Variants in SBF2 observed in about 807,000 individuals in gnomAD.
The protein encoded by SBF2 is SET binding factor 2.
In SBF2, 112 loss-of-function variants were observed where a neutral mutation model predicts 225.2. The observed-to-expected ratio is 0.50, with a 90% CI of 0.43 to 0.58. The LOEUF (loss-of-function observed/expected upper bound fraction) is 0.58. Among genes scored for constraint, SBF2 ranks in the 20% least tolerant of loss-of-function variants. SBF2 has a pLI of 0.00. For missense variants in SBF2, 1,996 were observed against 2,206.2 expected, an observed-to-expected ratio of 0.90 and a Z score of 1.91; for synonymous variants, 763 against 773.3, an observed-to-expected ratio of 0.99 and a Z score of 0.22.
rs1179379768 is a variant in SBF2 at position 10,195,797 on chromosome 11, A to C, written c.56-1810T>G. Among the ~76,000 whole-genome samples the C allele has an allele frequency of 2.0e-5, 3 of 152,242 alleles. No homozygotes were observed. In the East Asian group the frequency reaches 5.8e-4, roughly 29 times the overall value. On this transcript the variant is annotated intron_variant, in intron 1 of 39. Transcript: ENST00000256190. ...ACAAAATAAAAATATTCTCAATTAA[A>C]ATGAATAATTGCTGCAGTACAGTAA...
At chr11:10,093,761 T>C (rs1243843483) in intron 2 of SBF2, among the ~76,000 whole-genome samples, 2 of 152,226 alleles carry the variant, frequency 1.3e-5, no homozygotes, top group African/African-American at 2.4e-5. Flanking sequence ...TGAAATACCT[T>C]TGTGTACAGT....
intron 2 of SBF2, among the ~76,000 whole-genome samples, chr11:10,056,791 G>A (rs1411733158): frequency 6.6e-6 from 1 of 152,178 alleles, no homozygotes; most frequent in African/African-American, 2.4e-5. Context: ...GTGCTCCAGA[G>A]GGAGGGGCTG....
chr11:10,223,443 A>ATATG (rs57185157), intron 1 of SBF2, among the ~76,000 whole-genome samples: 1 of 124,268 alleles, frequency 8.0e-6, no homozygotes, highest in Non-Finnish European at 1.7e-5. Flanking sequence ...ATATATATAT[A>ATATG]GTATTCTTAC....
intron 16 of SBF2, among the ~76,000 whole-genome samples, chr11:9,925,716 T>C (rs1250897623): frequency 6.6e-6 from 1 of 152,238 alleles, no homozygotes; most frequent in African/African-American, 2.4e-5. Flanking sequence ...CATAAAGATT[T>C]TGGACTACAT....
chr11:9,798,573 C>T (rs1258456515), intron 32 of SBF2, among the ~76,000 whole-genome samples: 1 of 152,254 alleles, frequency 6.6e-6, no homozygotes, highest in Non-Finnish European at 1.5e-5. Context: ...GCCCCTCACT[C>T]ACTGTTTCCA....
intron 2 of SBF2, among the ~76,000 whole-genome samples, chr11:10,147,504 G>C (rs1954946252): frequency 1.3e-5 from 2 of 152,006 alleles, no homozygotes. Context: ...CACTTTGAGG[G>C]AGCTAAACGA....
intron 13 of SBF2, among the ~76,000 whole-genome samples, chr11:9,981,208 T>C (rs940906626): frequency 7.2e-5 from 11 of 152,212 alleles, no homozygotes; most frequent in Non-Finnish European, 1.0e-4. Flanking sequence ...CCCTGAATTC[T>C]TCTTCACTAT....
chr11:10,118,039 T>G (rs1230375053), intron 2 of SBF2, among the ~76,000 whole-genome samples: 1 of 152,198 alleles, frequency 6.6e-6, no homozygotes, highest in Non-Finnish European at 1.5e-5. Flanking sequence ...ACAACTGATC[T>G]TATTACAAAA....
chr11:10,171,448 T>G (rs1256019083), intron 2 of SBF2, among the ~76,000 whole-genome samples: 1 of 152,204 alleles, frequency 6.6e-6, no homozygotes, highest in Admixed American at 6.5e-5. Flanking sequence ...TTGATTGGTG[T>G]GTGTGTCTTG....
intron 2 of SBF2, among the ~76,000 whole-genome samples, chr11:10,154,532 C>A (rs1377888326): frequency 6.6e-6 from 1 of 152,098 alleles, no homozygotes; most frequent in Non-Finnish European, 1.5e-5. Context: ...CTGCCACATA[C>A]TAAGTCTTCT....
intron 2 of SBF2, among the ~76,000 whole-genome samples, chr11:10,087,105 T>G (rs967673977): frequency 6.6e-6 from 1 of 151,984 alleles, no homozygotes; most frequent in Non-Finnish European, 1.5e-5. Context: ...CATTTTGTCT[T>G]TTTTTTTGTT....
At chr11:9,819,561 ACAG>A (rs1205064278) in intron 28 of SBF2, 17 of 152,350 alleles carry the variant, frequency 1.1e-4, no homozygotes, top group African/African-American at 3.8e-4. Context: ...TGGACAGCAC[ACAG>A]CAGAAGGTGC....
At chr11:9,932,659 C>G (rs1370509084) in intron 16 of SBF2, among the ~76,000 whole-genome samples, 2 of 152,070 alleles carry the variant, frequency 1.3e-5, no homozygotes, top group African/African-American at 2.4e-5. Flanking sequence ...ACAACCAGTA[C>G]CAGCCACTGC....
chr11:10,046,125 C>T (rs1312489116), intron 2 of SBF2, among the ~76,000 whole-genome samples: 1 of 152,096 alleles, frequency 6.6e-6, no homozygotes, highest in Non-Finnish European at 1.5e-5. Flanking sequence ...ACATACCACA[C>T]CATTTAACAT....
At chr11:9,933,870 G>A (rs1437180174) in intron 16 of SBF2, among the ~76,000 whole-genome samples, 2 of 152,124 alleles carry the variant, frequency 1.3e-5, no homozygotes, top group Admixed American at 1.3e-4. Context: ...ATGAATCCAG[G>A]GGCTGGTTTT....
chr11:9,992,114 T>C (rs1430452463), intron 12 of SBF2, among the ~76,000 whole-genome samples: 1 of 152,138 alleles, frequency 6.6e-6, no homozygotes, highest in Non-Finnish European at 1.5e-5. Context: ...CATGGATGAA[T>C]TACATAGTGG....
At chr11:10,162,402 G>A (rs1290104748) in intron 2 of SBF2, among the ~76,000 whole-genome samples, 1 of 152,124 alleles carries the variant, frequency 6.6e-6, no homozygotes, top group African/African-American at 2.4e-5. Context: ...AAACTCTAAT[G>A]CTGAGCACCC....
intron 13 of SBF2, among the ~76,000 whole-genome samples, chr11:9,985,290 G>T (rs1164462861): frequency 6.6e-6 from 1 of 152,088 alleles, no homozygotes; most frequent in Non-Finnish European, 1.5e-5. Context: ...CACCAGAAGC[G>T]AGCAGGGGTA....
intron 2 of SBF2, among the ~76,000 whole-genome samples, chr11:10,099,412 C>T (rs1017991913): frequency 1.1e-4 from 17 of 152,090 alleles, no homozygotes; most frequent in African/African-American, 3.6e-4. Flanking sequence ...CAAACAAAAG[C>T]TAAGGGAGTT....
Sources: allele counts gnomAD v4.1 joint callset (sites outside exome capture counted in the v4.1 genomes callset), GRCh38; gene constraint gnomAD v4.1.1; transcripts MANE v1.5; gene names NCBI Gene and HGNC (gene_info 2026-07-23, HGNC 2026-07-21).